Variants in VAV1 observed in about 807,000 individuals in gnomAD.
VAV1 encodes vav guanine nucleotide exchange factor 1.
VAV1 carries 33 observed loss-of-function variants against 128.1 expected under a neutral mutation model. That is an observed-to-expected ratio of 0.26 (90% confidence interval 0.20 to 0.34). VAV1 has a LOEUF of 0.34. Among genes scored for constraint, VAV1 ranks in the 10% least tolerant of loss-of-function variants. VAV1 has a pLI of 1.00. For synonymous variants in VAV1, 394 were observed against 409.8 expected (o/e 0.96, Z 0.47); for missense variants, 715 against 1,093.7 (o/e 0.65, Z 4.88).
intron 22 of VAV1, among the ~76,000 whole-genome samples, chr19:6,847,136 A>T (rs1164372142): frequency 6.6e-6 from 1 of 151,676 alleles, no homozygotes; most frequent in Non-Finnish European, 1.5e-5. Context: ...CTGGTCTCGA[A>T]CTCCTGACCT....
chr19:6,848,523 C>T (rs931514481), intron 23 of VAV1, among the ~76,000 whole-genome samples: 1 of 151,146 alleles, frequency 6.6e-6, no homozygotes, highest in Non-Finnish European at 1.5e-5. Flanking sequence ...CTGCCTCAGA[C>T]CCCCGAGTAG....
intron 22 of VAV1, among the ~76,000 whole-genome samples, chr19:6,844,190 C>CA (rs1165121869): frequency 6.9e-6 from 1 of 145,244 alleles, no homozygotes; most frequent in Non-Finnish European, 1.5e-5. Flanking sequence ...CCCAAAGCCT[C>CA]AGTGCCTCAG....
Position 6,828,582 on chromosome 19 carries a change from G to T in VAV1, c.1093-40G>T, listed in dbSNP as rs1971975985. 6.2e-7 allele frequency: 1 copy of T among 1,613,540 alleles called. No homozygotes were observed. Among genetic ancestry groups the T allele is most frequent in the Non-Finnish European group, 8.5e-7 (1 of 1,179,602 alleles). ...CCGGGATTAGGTAGGAGCCTGGGTC[G>T]GCTGTTGGGGGGCCAGGTTCACCCC... On this transcript the variant is annotated intron_variant, in intron 11 of 26. Transcript: ENST00000602142. The surrounding 1 kb of genome is among the most constrained non-coding windows in gnomAD (Gnocchi z 4.5).
chr19:6,823,918 GTTTT>G (rs542301423), intron 6 of VAV1, among the ~76,000 whole-genome samples: 1 of 151,006 alleles, frequency 6.6e-6, no homozygotes, highest in South Asian at 2.1e-4. Context: ...TTTTGTTTTG[GTTTT>G]TTTTGTTTCT....
intron 1 of VAV1, among the ~76,000 whole-genome samples, chr19:6,797,803 A>G (rs1971172872): frequency 6.6e-6 from 1 of 151,172 alleles, no homozygotes; most frequent in Admixed American, 6.6e-5. Flanking sequence ...ATTTTGCATT[A>G]TTGACCAATG....
intron 23 of VAV1, among the ~76,000 whole-genome samples, chr19:6,850,235 T>C (rs907729819): frequency 7.5e-6 from 1 of 133,138 alleles, no homozygotes; most frequent in East Asian, 2.1e-4. Context: ...GTTTTTTTTT[T>C]TTTTTTTTTT....
At chr19:6,830,180 T>C (rs1237501176) in intron 14 of VAV1, among the ~76,000 whole-genome samples, 1 of 152,176 alleles carries the variant, frequency 6.6e-6, no homozygotes, top group Middle Eastern at 3.2e-3. Context: ...TGGCTCAGTC[T>C]CCCGAGTAGC....
chr19:6,773,817 G>A (rs543749344), intron 1 of VAV1, among the ~76,000 whole-genome samples: 3 of 152,264 alleles, frequency 2.0e-5, no homozygotes, highest in Non-Finnish European at 4.4e-5. Flanking sequence ...GCTGCATTAT[G>A]TTGCTGTAGC....
intron 14 of VAV1, 87 bp downstream of exon 14, chr19:6,830,005 C>G (rs1972017168): frequency 6.3e-7 from 1 of 1,583,906 alleles, no homozygotes; most frequent in Middle Eastern, 2.1e-4. Flanking sequence ...GTTTGCCAGA[C>G]TACATCTACA....
chr19:6,836,581 G>A lies in VAV1; in HGVS notation c.1914+13G>A. 6.8e-6 allele frequency: 11 copies of A among 1,613,560 alleles called. No individual in the cohort carries two copies. The highest frequency in any genetic ancestry group is 9.3e-6 in the Non-Finnish European group (11 of 1,179,672). ...GAACTGGTGGGAGGTACAGGCTGGGGCCACAAGAGTGATGGGGTGGGACCC... is the reference window on the plus strand; with the variant it reads ...GAACTGGTGGGAGGTACAGGCTGGGACCACAAGAGTGATGGGGTGGGACCC... On this transcript the variant is annotated intron_variant, in intron 20 of 26. Coordinates refer to ENST00000602142, the MANE Select transcript of VAV1 (RefSeq NM_005428.4).
At position 6,822,559 on chromosome 19, in the gene VAV1, C is replaced by G; in HGVS notation, c.654+45C>G. 1 of 1,523,912 alleles carries G rather than the reference C, an allele frequency of 6.6e-7. No homozygotes were observed. Among genetic ancestry groups the G allele is most frequent in the Non-Finnish European group, 8.8e-7 (1 of 1,133,170 alleles). 94.4% of individuals were successfully genotyped at this position (1,523,912 alleles called of 1,614,324 possible). A position where few individuals can be genotyped will look rare whatever the true frequency, so the allele number is the denominator to read the frequency against. ...CGCCTGCCGGGCGCATGCGCGGGAG[C>G]TGGGCCGGCAGGTGCACGTCCACCT... On this transcript the variant is annotated intron_variant, in intron 6 of 26. Transcript: ENST00000602142. The surrounding 1 kb of genome is among the most constrained non-coding windows in gnomAD (Gnocchi z 5.9).
At chr19:6,803,235 C>T (rs1356883142) in intron 1 of VAV1, among the ~76,000 whole-genome samples, 1 of 152,106 alleles carries the variant, frequency 6.6e-6, no homozygotes, top group Non-Finnish European at 1.5e-5. Context: ...GCTGTGAGCC[C>T]GGAGTAATCA....
intron 1 of VAV1, among the ~76,000 whole-genome samples, chr19:6,787,295 C>T (rs1970915118): frequency 6.6e-6 from 1 of 152,126 alleles, no homozygotes; most frequent in Non-Finnish European, 1.5e-5. Context: ...CCCACCTCAG[C>T]CTCCTGAGTA....
intron 1 of VAV1, among the ~76,000 whole-genome samples, chr19:6,793,840 C>T (rs192527011): frequency 6.6e-6 from 1 of 152,196 alleles, no homozygotes; most frequent in East Asian, 1.9e-4. Context: ...GGAGATAAAA[C>T]TAGTCCCTAC....
In VAV1 at chr19:6,826,717, C is replaced by T. The variant is rs56002731; in HGVS notation, c.927+6C>T. On this transcript the variant is annotated splice_donor_region_variant and intron_variant, in intron 9 of 26. Transcript: ENST00000602142. The surrounding 1 kb of genome is among the most constrained non-coding windows in gnomAD (Gnocchi z 4.1). Reference sequence around the variant, plus strand: ...ACGTGCAGATGAAGCTGGAGGTGGGCGCCGGGCCACTTCTCGGGGGCCTCT... The same window carrying T: ...ACGTGCAGATGAAGCTGGAGGTGGGTGCCGGGCCACTTCTCGGGGGCCTCT... 4.8e-5 allele frequency: 74 copies of T among 1,541,242 alleles called. 1 individual carries two copies. The East Asian group carries it at 7.3e-4, about 15-fold the overall frequency.
chr19:6,819,797 C>A (rs1369561748), intron 1 of VAV1, among the ~76,000 whole-genome samples: 1 of 152,198 alleles, frequency 6.6e-6, no homozygotes, highest in Non-Finnish European at 1.5e-5. Flanking sequence ...TCTGGGGAAC[C>A]TCAGAGAGTG....
chr19:6,794,988 T>G (rs1363816944), intron 1 of VAV1, among the ~76,000 whole-genome samples: 1 of 152,142 alleles, frequency 6.6e-6, no homozygotes, highest in Non-Finnish European at 1.5e-5. Context: ...CACTTACGTG[T>G]GGTATCTCCA....
chr19:6,837,290 C>T (rs946136996), intron 21 of VAV1, among the ~76,000 whole-genome samples: 6 of 152,178 alleles, frequency 3.9e-5, no homozygotes, highest in Non-Finnish European at 7.4e-5. Flanking sequence ...TTCCTTCCTA[C>T]ATGGGTATGG....
In VAV1 at chr19:6,828,892, G is replaced by A. The variant is rs1334591113; in HGVS notation, c.1257G>A (p.Lys419=). The A allele has an allele frequency of 6.2e-7, 1 of 1,614,098 alleles. No individual in the cohort carries two copies. The highest frequency in any genetic ancestry group is 8.5e-7 in the Non-Finnish European group (1 of 1,180,034). ...LKITSVERRS[K]MDRYAFLLDK... is the part of the protein sequence containing the mutation. ...TCACCTCGGTGGAACGGCGCTCCAA[G>A]ATGGACAGGTGGGTGGAGTCAACAT... is the stretch of plus-strand genomic sequence containing the variant. Residue 419 remains lysine, a synonymous_variant, in exon 13 of 27, where the codon AAG becomes AAA. Coordinates refer to ENST00000602142, the MANE Select transcript of VAV1 (RefSeq NM_005428.4). The surrounding 1 kb of genome is among the most constrained non-coding windows in gnomAD (Gnocchi z 4.5).
Sources: allele counts gnomAD v4.1 joint callset (sites outside exome capture counted in the v4.1 genomes callset), GRCh38; gene constraint gnomAD v4.1.1; non-coding constraint Gnocchi (gnomAD v3.1); transcripts MANE v1.5; gene names NCBI Gene and HGNC (gene_info 2026-07-23, HGNC 2026-07-21).